Variants in MYO9A observed in about 807,000 individuals in gnomAD.
The protein encoded by MYO9A is myosin IXA.
In MYO9A, 103 loss-of-function variants were observed where a neutral mutation model predicts 293.3. The observed-to-expected ratio is 0.35, with a 90% CI of 0.30 to 0.41. The LOEUF (loss-of-function observed/expected upper bound fraction) is 0.41, where lower values mean the gene tolerates loss of function less well. Ranked by LOEUF, MYO9A falls within the 10% of genes least tolerant of loss-of-function variation. The probability of loss-of-function intolerance (pLI) is 1.00; values close to 1 mark genes in which losing one functional copy is unlikely to be tolerated. For synonymous variants in MYO9A, 1,001 were observed against 1,035.7 expected (o/e 0.97, Z 0.64); for missense variants, 2,685 against 3,033.0 (o/e 0.89, Z 2.69).
chr15:71,953,876 T>TTGTTC (rs1399721127), intron 14 of MYO9A, among the ~76,000 whole-genome samples: 2 of 142,656 alleles, frequency 1.4e-5, no homozygotes, highest in Non-Finnish European at 3.0e-5. Context: ...AACTGTTTTT[T>TTGTTC]TGTTTTGTTT....
Position 71,991,246 on chromosome 15 carries a change from CAA to C in MYO9A, c.1588-11_1588-10del, listed in dbSNP as rs774945427. The stretch of plus-strand genomic sequence containing the variant: ...ACACCAATAGACAATGTCTGTAAAA[CAA>C]GAGAAAGTTTTGATTAAAAGTAATG... On this transcript the variant is annotated splice_polypyrimidine_tract_variant and intron_variant, in intron 10 of 41. Transcript: ENST00000356056. 1 of 1,566,048 alleles carries C rather than the reference CAA, an allele frequency of 6.4e-7. No homozygotes were observed. Among genetic ancestry groups the C allele is most frequent in the Non-Finnish European group, 8.6e-7 (1 of 1,157,884 alleles).
rs535974196 is a variant in MYO9A at position 71,870,995 on chromosome 15, C to A, written c.5979+4796G>T. On this transcript the variant is annotated intron_variant, in intron 32 of 41. Coordinates refer to ENST00000356056, the MANE Select transcript of MYO9A (RefSeq NM_006901.4). ...CACTATTAAAGAAAAAAAGCATCATCCCTTGGTGCCTTGGTCCATAACTCG... is the reference window on the plus strand; with the variant it reads ...CACTATTAAAGAAAAAAAGCATCATACCTTGGTGCCTTGGTCCATAACTCG... 5.2e-4 allele frequency among the ~76,000 whole-genome samples: 79 copies of A among 152,290 alleles called. 2 individuals are homozygous for A. In the South Asian group the frequency reaches 0.016, roughly 32 times the overall value.
chr15:72,086,686 G>A (rs909425986), intron 1 of MYO9A, among the ~76,000 whole-genome samples: 26 of 152,152 alleles, frequency 1.7e-4, no homozygotes, highest in Non-Finnish European at 2.5e-4. Flanking sequence ...GGGTTGGGGT[G>A]TAAGCTGCAA....
chr15:71,843,806 G>T (rs538654322), intron 39 of MYO9A, among the ~76,000 whole-genome samples: 1 of 152,128 alleles, frequency 6.6e-6, no homozygotes, highest in East Asian at 1.9e-4. Context: ...CCTTGAAGAC[G>T]ACCCAGGAGG....
At chr15:71,946,582 T>C (rs889139267) in intron 15 of MYO9A, among the ~76,000 whole-genome samples, 13 of 152,216 alleles carry the variant, frequency 8.5e-5, no homozygotes, top group Admixed American at 4.6e-4. Flanking sequence ...TAGATCAGAA[T>C]AGCTATAACT....
At chr15:71,841,887 C>G (rs544012739) in intron 39 of MYO9A, among the ~76,000 whole-genome samples, 7 of 151,324 alleles carry the variant, frequency 4.6e-5, no homozygotes, top group Non-Finnish European at 1.0e-4. Flanking sequence ...GCTCAAGGAT[C>G]CACATGCCTT....
chr15:72,086,287 C>T (rs919524871), intron 1 of MYO9A, among the ~76,000 whole-genome samples: 35 of 152,142 alleles, frequency 2.3e-4, no homozygotes, highest in African/African-American at 8.0e-4. Context: ...TGGTGTTAGC[C>T]GGGTAGTGCT....
At chr15:71,993,269 G>C (rs976305133) in intron 10 of MYO9A, among the ~76,000 whole-genome samples, 5 of 152,060 alleles carry the variant, frequency 3.3e-5, no homozygotes, top group African/African-American at 7.2e-5. Flanking sequence ...AGAATCACTT[G>C]AACCCAGGAG....
At chr15:72,073,692 T>C (rs1003119801) in intron 1 of MYO9A, among the ~76,000 whole-genome samples, 5 of 152,194 alleles carry the variant, frequency 3.3e-5, no homozygotes, top group Admixed American at 2.0e-4. Flanking sequence ...CTGATATAAT[T>C]TGATATACAG....
chr15:72,041,087 A>T (rs948837085), intron 2 of MYO9A: 3 of 480,960 alleles, frequency 6.2e-6, no homozygotes, highest in Non-Finnish European at 1.2e-5. Context: ...TCTACAAAAA[A>T]TACAAAAATT....
intron 17 of MYO9A, among the ~76,000 whole-genome samples, chr15:71,934,793 T>C (rs1416400828): frequency 2.2e-5 from 3 of 137,958 alleles, no homozygotes; most frequent in African/African-American, 8.0e-5. Context: ...TTTCTTTTTT[T>C]TTTTTTTTTT....
rs2054513562 is a variant in MYO9A, at chr15:71,826,658, G to A, written c.7569C>T (p.Gly2523=). 1.2e-6 allele frequency: 2 copies of A among 1,613,322 alleles called. No individual in the cohort carries two copies. Among genetic ancestry groups the A allele is most frequent in the East Asian group, 4.5e-5 (2 of 44,870 alleles). Residue 2523 remains glycine (G), a synonymous_variant, in exon 42 of 42, where the codon GGC becomes GGT. Transcript: ENST00000356056. ...KETPEGTVMS[G]RRKTVDPDCT... ...AGTCTGGGTCCACAGTTTTTCTGCGGCCAGACATGACTGTCCCCTCTGGGG... is the reference window on the plus strand; with the variant it reads ...AGTCTGGGTCCACAGTTTTTCTGCGACCAGACATGACTGTCCCCTCTGGGG...
chr15:71,835,510 T>C (rs2054903823), intron 39 of MYO9A, among the ~76,000 whole-genome samples: 1 of 152,052 alleles, frequency 6.6e-6, no homozygotes, highest in Admixed American at 6.6e-5. Flanking sequence ...AAATAAAAAT[T>C]TTAAAATAAT....
intron 2 of MYO9A, among the ~76,000 whole-genome samples, chr15:72,043,549 T>C (rs781082548): frequency 2.6e-5 from 4 of 152,104 alleles, no homozygotes; most frequent in Non-Finnish European, 5.9e-5. Flanking sequence ...CATGGATAAA[T>C]CTCAAAATAA....
chr15:72,099,774 C>A lies in MYO9A; in HGVS notation c.-72+17906G>T, dbSNP rs369850515. Among the ~76,000 whole-genome samples the A allele has an allele frequency of 1.4e-3, 209 of 151,498 alleles. 1 individual carries two copies. The highest frequency in any genetic ancestry group is 4.4e-3 in the African/African-American group (183 of 41,288). On this transcript the variant is annotated intron_variant, in intron 1 of 41. Coordinates refer to ENST00000356056, the MANE Select transcript of MYO9A (RefSeq NM_006901.4). The stretch of plus-strand genomic sequence containing the variant: ...AAAATTGGTCGGGCATGGTGGCATG[C>A]GCCTGTAGTCCCAGCTACTCAGGAG...
chr15:72,109,479 T>C (rs988675596), intron 1 of MYO9A, among the ~76,000 whole-genome samples: 2 of 152,102 alleles, frequency 1.3e-5, no homozygotes, highest in Non-Finnish European at 2.9e-5. Context: ...ATCTAGTTGA[T>C]AGACATAATT....
chr15:72,088,952 A>T (rs1231765395), intron 1 of MYO9A, among the ~76,000 whole-genome samples: 1 of 152,214 alleles, frequency 6.6e-6, no homozygotes, highest in Non-Finnish European at 1.5e-5. Context: ...TCTCTGGTCA[A>T]TGATGTACAC....
intron 21 of MYO9A, 36 bp from the exon 22 acceptor site, chr15:71,903,099 A>C: frequency 6.5e-7 from 1 of 1,534,074 alleles, no homozygotes. Flanking sequence ...AAAATCAGAA[A>C]ACAGTGTATG....
At chr15:71,952,750 T>G (rs1175213336) in intron 14 of MYO9A, among the ~76,000 whole-genome samples, 1 of 152,168 alleles carries the variant, frequency 6.6e-6, no homozygotes, top group African/African-American at 2.4e-5. Flanking sequence ...CATAATAATA[T>G]AGAGGCAAAT....
Sources: gnomAD v4.1 joint callset for allele counts (sites outside exome capture counted in the v4.1 genomes callset) on GRCh38, gnomAD v4.1.1 for gene constraint, MANE v1.5 for transcripts, NCBI Gene and HGNC (gene_info 2026-07-23, HGNC 2026-07-21) for gene names.